PRKD1: variants seen among roughly 807,000 people sequenced by gnomAD.
PRKD1 encodes protein kinase D1.
PRKD1 carries 63 observed loss-of-function variants against 95.9 expected under a neutral mutation model. That is an observed-to-expected ratio of 0.66 (90% confidence interval 0.54 to 0.81). The LOEUF (loss-of-function observed/expected upper bound fraction) is 0.81. Ranked by LOEUF, PRKD1 falls within the 30% of genes least tolerant of loss-of-function variation. The pLI is 0.00. For synonymous variants in PRKD1, 425 were observed against 423.1 expected (o/e 1.00, Z -0.05); for missense variants, 1,048 against 1,165.3 (o/e 0.90, Z 1.47).
intron 1 of PRKD1, among the ~76,000 whole-genome samples, chr14:29,766,220 A>G (rs375981457): frequency 1.1e-4 from 16 of 152,210 alleles, no homozygotes; most frequent in East Asian, 7.7e-4. Flanking sequence ...ACACAATATC[A>G]TATTGGTTCT....
chr14:29,917,836 CCTTA>C (rs1894943854), intron 1 of PRKD1, among the ~76,000 whole-genome samples: 1 of 151,918 alleles, frequency 6.6e-6, no homozygotes, highest in East Asian at 1.9e-4. Context: ...GCAATAGGAT[CCTTA>C]CTTGGACTGA....
At chr14:29,851,205 T>C (rs1892295281) in intron 1 of PRKD1, among the ~76,000 whole-genome samples, 1 of 151,992 alleles carries the variant, frequency 6.6e-6, no homozygotes, top group Non-Finnish European at 1.5e-5. Flanking sequence ...GCAATTGCAA[T>C]GAAAACAGAA....
At chr14:29,759,285 TG>T (rs1315667684) in intron 1 of PRKD1, among the ~76,000 whole-genome samples, 2 of 151,986 alleles carry the variant, frequency 1.3e-5, no homozygotes, top group Non-Finnish European at 2.9e-5. Flanking sequence ...AGAGAGTAAT[TG>T]GGAATATTCC....
At chr14:29,920,135 GAAGAA>G (rs778484780) in intron 1 of PRKD1, among the ~76,000 whole-genome samples, 3 of 149,920 alleles carry the variant, frequency 2.0e-5, no homozygotes, top group African/African-American at 4.9e-5. Flanking sequence ...AGAAAAGAGA[GAAGAA>G]AAGAAAAGGA....
In PRKD1 at chr14:29,615,185, T is replaced by C. The variant is rs140059488; in HGVS notation, c.1905+8967A>G. ...TGTTAAAGAAAAGCCTATTCATGTATTTAAAAGAATAGTTAATAAAGGGTA... is the reference window on the plus strand; with the variant it reads ...TGTTAAAGAAAAGCCTATTCATGTACTTAAAAGAATAGTTAATAAAGGGTA... On this transcript the variant is annotated intron_variant, in intron 13 of 17. Coordinates refer to ENST00000331968, the MANE Select transcript of PRKD1 (RefSeq NM_002742.3). 2.8e-3 allele frequency among the ~76,000 whole-genome samples: 423 copies of C among 152,266 alleles called. 3 individuals carry two copies. Among genetic ancestry groups the C allele is most frequent in the Non-Finnish European group, 4.1e-3 (282 of 68,022 alleles).
chr14:29,581,016 C>A (rs1247676325), intron 16 of PRKD1, among the ~76,000 whole-genome samples: 1 of 151,750 alleles, frequency 6.6e-6, no homozygotes, highest in Non-Finnish European at 1.5e-5. Flanking sequence ...GAATCTTTGA[C>A]CTTTAATTCA....
intron 2 of PRKD1, among the ~76,000 whole-genome samples, chr14:29,692,307 C>A (rs1035353496): frequency 6.6e-6 from 1 of 151,844 alleles, no homozygotes; most frequent in African/African-American, 2.4e-5. Flanking sequence ...TGGATGATTC[C>A]ATTCCTGCCA....
At chr14:29,661,145 C>T (rs924960486) in intron 4 of PRKD1, among the ~76,000 whole-genome samples, 14 of 152,084 alleles carry the variant, frequency 9.2e-5, no homozygotes, top group Non-Finnish European at 1.8e-4. Context: ...AACAGAATTA[C>T]CAATGTCGTA....
rs116160953 is a variant in PRKD1 at position 29,687,163 on chromosome 14, C to G, written c.404-20955G>C. On this transcript the variant is annotated intron_variant, in intron 2 of 17. Coordinates refer to ENST00000331968, the MANE Select transcript of PRKD1 (RefSeq NM_002742.3). The stretch of plus-strand genomic sequence containing the variant: ...TTAAAAAAAAAAGAAAAAAACAGAA[C>G]AGAGAACTTGCATAGTATTTGAAAA... Among the ~76,000 whole-genome samples, 842 of 152,050 alleles carry G rather than the reference C, an allele frequency of 5.5e-3. 6 individuals carry two copies. The highest frequency in any genetic ancestry group is 0.019 in the African/African-American group (796 of 41,474).
rs1249819386 is a variant in PRKD1 at position 29,576,777 on chromosome 14, A to T, written c.*461T>A. ...ATTTTATTCCCTACCCTCCTCATTC[A>T]TTTTTTTCCCACATGGGTTTTGGAG... On this transcript the variant is annotated 3_prime_UTR_variant, in exon 18 of 18. Transcript: ENST00000331968. 10 of 176,650 alleles carry T rather than the reference A, an allele frequency of 5.7e-5. No homozygotes were observed. The East Asian group carries it at 1.3e-3, about 24-fold the overall frequency. 10.9% of individuals were successfully genotyped at this position (176,650 alleles called of 1,614,324 possible).
chr14:29,768,261 C>T (rs533876615), intron 1 of PRKD1, among the ~76,000 whole-genome samples: 1 of 152,176 alleles, frequency 6.6e-6, no homozygotes, highest in Non-Finnish European at 1.5e-5. Context: ...AAAAACCAAT[C>T]CAAATTCACC....
At chr14:29,848,562 T>A (rs1362703363) in intron 1 of PRKD1, among the ~76,000 whole-genome samples, 1 of 149,306 alleles carries the variant, frequency 6.7e-6, no homozygotes, top group African/African-American at 2.5e-5. Context: ...ACAACAATTT[T>A]AAAAAGTATA....
Position 29,912,640 on chromosome 14 carries a change from TTC to T in PRKD1, c.264+14607_264+14608del, listed in dbSNP as rs1383736949. Among the ~76,000 whole-genome samples, 9 of 152,372 alleles carry T rather than the reference TTC, an allele frequency of 5.9e-5. No individual in the cohort carries two copies. In the South Asian group the frequency reaches 1.2e-3, roughly 21 times the overall value. ...TTGGGACAACCCAACTTCCAAAATT[TTC>T]TCTCTCTTATTTGCCTACTTATTTT... is the stretch of plus-strand genomic sequence containing the variant. On this transcript the variant is annotated intron_variant, in intron 1 of 17. Coordinates refer to ENST00000331968, the MANE Select transcript of PRKD1 (RefSeq NM_002742.3).
intron 13 of PRKD1, among the ~76,000 whole-genome samples, chr14:29,617,338 G>T (rs1012903039): frequency 3.3e-5 from 5 of 152,136 alleles, no homozygotes; most frequent in African/African-American, 1.2e-4. Flanking sequence ...TTATAGGTGT[G>T]AGCTACTGTG....
At chr14:29,765,318 G>A (rs1034925402) in intron 1 of PRKD1, among the ~76,000 whole-genome samples, 1 of 152,048 alleles carries the variant, frequency 6.6e-6, no homozygotes, top group African/African-American at 2.4e-5. Context: ...AATAATCAGG[G>A]AAATACAAAA....
intron 1 of PRKD1, among the ~76,000 whole-genome samples, chr14:29,791,168 G>T (rs1889529437): frequency 6.6e-6 from 1 of 152,110 alleles, no homozygotes; most frequent in Admixed American, 6.6e-5. Context: ...ACTATTGTTT[G>T]ACCATTTTTT....
At chr14:29,903,722 CAAA>C (rs1156684079) in intron 1 of PRKD1, among the ~76,000 whole-genome samples, 1 of 151,848 alleles carries the variant, frequency 6.6e-6, no homozygotes, top group Non-Finnish European at 1.5e-5. Context: ...AACTGAGGAA[CAAA>C]AAATGATTAA....
In PRKD1 at chr14:29,794,882, C is replaced by G. The variant is rs45437891; in HGVS notation, c.265-69208G>C. Reference sequence around the variant, plus strand: ...GATAAATTCTTCTAATTTATACTAGCAGCAATGTGTGAGTTCATAAACATC... The same window carrying G: ...GATAAATTCTTCTAATTTATACTAGGAGCAATGTGTGAGTTCATAAACATC... On this transcript the variant is annotated intron_variant, in intron 1 of 17. Transcript: ENST00000331968. Among the ~76,000 whole-genome samples, 442 of 152,210 alleles carry G rather than the reference C, an allele frequency of 2.9e-3. 2 individuals are homozygous for G. The highest frequency in any genetic ancestry group is 1.0e-2 in the African/African-American group (414 of 41,530).
At chr14:29,664,317 G>A (rs952809107) in intron 3 of PRKD1, among the ~76,000 whole-genome samples, 4 of 152,036 alleles carry the variant, frequency 2.6e-5, no homozygotes, top group Non-Finnish European at 5.9e-5. Context: ...CAGTTTTCTC[G>A]TCTCTAAAAT....
Sources: allele counts gnomAD v4.1 joint callset (sites outside exome capture counted in the v4.1 genomes callset), GRCh38; gene constraint gnomAD v4.1.1; transcripts MANE v1.5; gene names NCBI Gene and HGNC (gene_info 2026-07-23, HGNC 2026-07-21).